RBMS3: variants seen among roughly 807,000 people sequenced by gnomAD.
The protein encoded by RBMS3 is RNA binding motif single stranded interacting protein 3.
RBMS3 carries 27 observed loss-of-function variants against 66.8 expected under a neutral mutation model. The observed-to-expected ratio is 0.40, with a 90% confidence interval of 0.30 to 0.56. The LOEUF is 0.56. RBMS3 is among the 20% of genes least tolerant of loss of function. The pLI, the probability that RBMS3 is intolerant of heterozygous loss-of-function variation, is 0.40. For missense variants in RBMS3, 513 were observed against 549.5 expected (o/e 0.93, Z 0.66); for synonymous variants, 188 against 183.0 (o/e 1.03, Z -0.22).
intron 1 of RBMS3, among the ~76,000 whole-genome samples, chr3:29,418,640 A>G (rs1371588373): frequency 1.3e-5 from 2 of 152,128 alleles, no homozygotes; most frequent in Non-Finnish European, 2.9e-5. Context: ...TGTCTCTGTG[A>G]TGTAGTGTAT....
chr3:29,974,013 T>G (rs1247547058), intron 12 of RBMS3, among the ~76,000 whole-genome samples: 1 of 151,952 alleles, frequency 6.6e-6, no homozygotes, highest in Non-Finnish European at 1.5e-5. Flanking sequence ...CATCATCTTC[T>G]TCCAGTAAAA....
chr3:29,578,668 T>C (rs1259957668), intron 3 of RBMS3, among the ~76,000 whole-genome samples: 1 of 151,872 alleles, frequency 6.6e-6, no homozygotes, highest in East Asian at 1.9e-4. Context: ...CCCAGGAAAA[T>C]GCTAGTGTGC....
At chr3:29,478,770 C>T (rs947493130) in intron 2 of RBMS3, among the ~76,000 whole-genome samples, 8 of 152,182 alleles carry the variant, frequency 5.3e-5, no homozygotes, top group East Asian at 1.9e-4. Flanking sequence ...TTTTCCATTA[C>T]GTATTCGGTT....
In RBMS3 at chr3:29,809,997, C is replaced by T. The variant is rs190016337; in HGVS notation, c.637+47008C>T. On this transcript the variant is annotated intron_variant, in intron 6 of 14. Transcript: ENST00000383767. ...ACTTCATTTTACTATTATATTGATC[C>T]GGTGTTTTAAGGAATTTGCTTGCAT... Among the ~76,000 whole-genome samples, 101 of 151,830 alleles carry T rather than the reference C, an allele frequency of 6.7e-4. 1 individual carries two copies. The highest frequency in any genetic ancestry group is 3.5e-3 in the East Asian group (18 of 5,176).
chr3:29,961,274 G>A (rs755336862), intron 12 of RBMS3, among the ~76,000 whole-genome samples: 28 of 152,188 alleles, frequency 1.8e-4, no homozygotes, highest in African/African-American at 3.6e-4. Context: ...TCTTATCTCC[G>A]TCTGAGACCA....
At chr3:29,627,283 C>G (rs1046450654) in intron 4 of RBMS3, among the ~76,000 whole-genome samples, 1 of 139,758 alleles carries the variant, frequency 7.2e-6, no homozygotes, top group African/African-American at 2.8e-5. Context: ...CTTTCTCTCT[C>G]TCTTCTCTCT....
intron 3 of RBMS3, among the ~76,000 whole-genome samples, chr3:29,540,085 A>G (rs1176373243): frequency 1.3e-5 from 2 of 152,228 alleles, no homozygotes; most frequent in African/African-American, 2.4e-5. Flanking sequence ...AAAGCATTTT[A>G]AATTAACTAT....
intron 6 of RBMS3, chr3:29,766,374 A>G (rs1048041224): frequency 6.6e-6 from 1 of 151,986 alleles, no homozygotes. Flanking sequence ...ATTGCTCTGA[A>G]TTTCAAATTC....
At chr3:29,707,606 T>C (rs4271879) in intron 4 of RBMS3, among the ~76,000 whole-genome samples, 12,423 of 152,218 alleles carry the variant, frequency 0.082, 1,692 homozygotes, top group African/African-American at 0.28. Context: ...TTCTGTCTTT[T>C]CCATAAGGAA....
intron 12 of RBMS3, among the ~76,000 whole-genome samples, chr3:29,966,273 G>A (rs1468095595): frequency 1.3e-5 from 2 of 152,114 alleles, no homozygotes; most frequent in African/African-American, 4.8e-5. Flanking sequence ...TTCTGATGGG[G>A]ATTTTGTGGA....
At chr3:29,816,983 T>G (rs1284470542) in intron 6 of RBMS3, among the ~76,000 whole-genome samples, 6 of 151,802 alleles carry the variant, frequency 4.0e-5, no homozygotes, top group Non-Finnish European at 8.8e-5. Flanking sequence ...CCCAGCTACA[T>G]GGGAGGCTGA....
intron 3 of RBMS3, among the ~76,000 whole-genome samples, chr3:29,498,071 C>T (rs180955996): frequency 2.8e-4 from 39 of 137,210 alleles, no homozygotes; most frequent in South Asian, 1.4e-3. Flanking sequence ...CTCAGTTCAC[C>T]GCAACCTCCG....
chr3:29,506,244 T>C (rs1181528249), intron 3 of RBMS3, among the ~76,000 whole-genome samples: 1 of 151,966 alleles, frequency 6.6e-6, no homozygotes, highest in African/African-American at 2.4e-5. Context: ...GGTATTGAGA[T>C]ACATTCCTTC....
intron 6 of RBMS3, among the ~76,000 whole-genome samples, chr3:29,827,295 C>T (rs1409427771): frequency 6.6e-6 from 1 of 152,142 alleles, no homozygotes; most frequent in Non-Finnish European, 1.5e-5. Context: ...AAATAATTTT[C>T]AGCAAAGACA....
At chr3:29,610,155 G>A (rs368542951) in intron 4 of RBMS3, among the ~76,000 whole-genome samples, 1 of 151,828 alleles carries the variant, frequency 6.6e-6, no homozygotes. Flanking sequence ...GGGAGATATG[G>A]GGTATTAACT....
intron 4 of RBMS3, among the ~76,000 whole-genome samples, chr3:29,666,635 A>G (rs2050771769): frequency 1.7e-3 from 1 of 588 alleles, no homozygotes; most frequent in Admixed American, 0.025. Context: ...ATTATGCAAA[A>G]CCAATTTTTA....
chr3:29,540,876 C>A (rs146502617), intron 3 of RBMS3, among the ~76,000 whole-genome samples: 10 of 152,274 alleles, frequency 6.6e-5, no homozygotes, highest in African/African-American at 2.4e-4. Flanking sequence ...TTGGGCTCAT[C>A]GCAATTTAAC....
chr3:29,342,921 T>C (rs960735779), intron 1 of RBMS3, among the ~76,000 whole-genome samples: 4 of 152,142 alleles, frequency 2.6e-5, no homozygotes, highest in African/African-American at 9.6e-5. Context: ...CTGGCTTGTG[T>C]GAGAGTAGAG....
intron 3 of RBMS3, among the ~76,000 whole-genome samples, chr3:29,549,179 T>C (rs2046092808): frequency 6.6e-6 from 1 of 151,386 alleles, no homozygotes; most frequent in African/African-American, 2.4e-5. Context: ...CTCCTTCTTT[T>C]CCCCCAGTTC....
Sources: gnomAD v4.1 joint callset for allele counts (sites outside exome capture counted in the v4.1 genomes callset) on GRCh38, gnomAD v4.1.1 for gene constraint, MANE v1.5 for transcripts, NCBI Gene and HGNC (gene_info 2026-07-23, HGNC 2026-07-21) for gene names.